The following MTHFD1L variants were observed in gnomAD, a reference collection of about 807,000 sequenced individuals.
MTHFD1L encodes the protein methylenetetrahydrofolate dehydrogenase (NADP+ dependent) 1 like, also known as monofunctional C1-tetrahydrofolate synthase, mitochondrial.
A neutral mutation model predicts 119.5 loss-of-function variants in MTHFD1L; 81 were observed. The ratio of observed to expected loss-of-function variants is 0.68; its 90% CI spans 0.57 to 0.82. MTHFD1L has a LOEUF of 0.82. MTHFD1L is among the 40% of genes least tolerant of loss of function. The pLI, the probability that MTHFD1L is intolerant of heterozygous loss-of-function variation, is 0.00. For missense variants in MTHFD1L, 1,125 were observed against 1,253.4 expected, an observed-to-expected ratio of 0.90 and a Z score of 1.55; for synonymous variants, 430 against 475.2, an observed-to-expected ratio of 0.90 and a Z score of 1.24.
chr6:150,911,767 G>A (rs1222796109), intron 8 of MTHFD1L, among the ~76,000 whole-genome samples: 3 of 152,118 alleles, frequency 2.0e-5, no homozygotes, highest in African/African-American at 4.8e-5. Context: ...AAATCATGGC[G>A]GGAGGTGAAA....
At chr6:151,002,092 A>C (rs1049718970) in intron 20 of MTHFD1L, among the ~76,000 whole-genome samples, 1 of 152,232 alleles carries the variant, frequency 6.6e-6, no homozygotes, top group Non-Finnish European at 1.5e-5. Flanking sequence ...TAAATGCTGG[A>C]GTATTATTGA....
intron 9 of MTHFD1L, among the ~76,000 whole-genome samples, chr6:150,920,779 A>G (rs77980322): frequency 0.089 from 13,490 of 151,582 alleles, 839 homozygotes; most frequent in African/African-American, 0.17. Flanking sequence ...TTATTTATTT[A>G]TTTATTTATT....
intron 26 of MTHFD1L, among the ~76,000 whole-genome samples, chr6:151,067,767 C>T (rs80269284): frequency 0.048 from 7,252 of 152,302 alleles, 217 homozygotes; most frequent in Middle Eastern, 0.099. Context: ...ATTTCCCCAC[C>T]CCAGTGACCC....
chr6:151,098,414 C>G lies in MTHFD1L; in HGVS notation c.*32-3112C>G, dbSNP rs899748780. 2.6e-5 allele frequency among the ~76,000 whole-genome samples: 4 copies of G among 152,212 alleles called. No homozygotes were observed. In the East Asian group the frequency reaches 7.7e-4, roughly 29 times the overall value. ...AAAGCAATTCAAAAATTGCTCATCACCATTGTGTTCCGAGAAAAGGGGCGC... is the reference window on the plus strand; with the variant it reads ...AAAGCAATTCAAAAATTGCTCATCAGCATTGTGTTCCGAGAAAAGGGGCGC... On this transcript the variant is annotated intron_variant, in intron 27 of 27. Coordinates refer to ENST00000367321, the MANE Select transcript of MTHFD1L (RefSeq NM_015440.5).
chr6:151,007,412 A>G (rs1781559879), intron 20 of MTHFD1L, among the ~76,000 whole-genome samples: 1 of 151,498 alleles, frequency 6.6e-6, no homozygotes, highest in Non-Finnish European at 1.5e-5. Context: ...GGAATTCAAT[A>G]TGATTTTTAG....
At chr6:150,939,164 T>A (rs1583671369) in intron 13 of MTHFD1L, 1 of 191,904 alleles carries the variant, frequency 5.2e-6, no homozygotes. Flanking sequence ...CTTGATCATC[T>A]GCTGTACTGC....
intron 20 of MTHFD1L, among the ~76,000 whole-genome samples, chr6:151,001,375 C>T (rs763173124): frequency 2.6e-5 from 4 of 152,158 alleles, no homozygotes; most frequent in Admixed American, 6.5e-5. Context: ...GAAAACTTTA[C>T]GGAAAAACTA....
intron 7 of MTHFD1L, among the ~76,000 whole-genome samples, chr6:150,905,017 C>A (rs1301397948): frequency 6.7e-6 from 1 of 149,994 alleles, no homozygotes; most frequent in African/African-American, 2.5e-5. Flanking sequence ...GACCTCATGG[C>A]CTTAGCCCTT....
At chr6:151,050,437 C>T (rs1788842522) in intron 26 of MTHFD1L, among the ~76,000 whole-genome samples, 1 of 152,224 alleles carries the variant, frequency 6.6e-6, no homozygotes, top group Admixed American at 6.5e-5. Context: ...GCTGGGATTA[C>T]AGGCGTGAGC....
chr6:150,942,088 G>A (rs964778012), intron 13 of MTHFD1L, among the ~76,000 whole-genome samples: 3 of 151,912 alleles, frequency 2.0e-5, no homozygotes, highest in Non-Finnish European at 2.9e-5. Flanking sequence ...GGGAAACCCT[G>A]TCTCTACTAA....
intron 26 of MTHFD1L, chr6:151,041,943 T>C: frequency 5.0e-6 from 2 of 402,890 alleles, no homozygotes; most frequent in South Asian, 3.9e-5. Flanking sequence ...ACTTTTACTT[T>C]CCATGTTCAC....
Position 150,945,494 on chromosome 6 carries a change from G to A in MTHFD1L, c.1576G>A (p.Val526Met). 2 of 1,613,986 alleles carry A rather than the reference G, an allele frequency of 1.2e-6. No individual in the cohort carries two copies. The highest frequency in any genetic ancestry group is 1.7e-6 in the Non-Finnish European group (2 of 1,179,978). ...KALYNRLVPL[V>M]NGVREFSEIQ... ...TCTGTATAATCGGCTGGTTCCTTTA[G>A]TGAATGGTGTCAGAGAATTTTCAGA... The change falls in exon 15 of 28, where the codon GTG becomes ATG. Residue 526 changes from valine to methionine, a missense_variant. Physicochemically the swap from Val to Met is conservative, Grantham distance 21 (BLOSUM62 1). Coordinates refer to ENST00000367321, the MANE Select transcript of MTHFD1L (RefSeq NM_015440.5).
At chr6:150,972,171 C>A in intron 20 of MTHFD1L, 113 bp downstream of exon 20, 1 of 905,774 alleles carries the variant, frequency 1.1e-6, no homozygotes, top group Non-Finnish European at 1.7e-6. Context: ...TTCAGGCACC[C>A]TCTTTCATAG....
rs71014527 is a variant in MTHFD1L at position 150,865,721 on chromosome 6, CCCGCCGCCGCCGCCG to C, written c.-90_-76del. 12 of 967,394 alleles carry C rather than the reference CCCGCCGCCGCCGCCG, an allele frequency of 1.2e-5. No individual in the cohort carries two copies. Among genetic ancestry groups the C allele is most frequent in the East Asian group, 8.3e-5 (1 of 12,098 alleles). The allele number at this position is 967,394 out of a possible 1,614,324, so 59.9% of individuals were successfully genotyped here. ...GACGAGGAGGAAGCGCCAGGTCCTTCCCGCCGCCGCCGCCGCCGCCGCCGCCTGCTCCCCTGGCAC... is the reference window on the plus strand; with the variant it reads ...GACGAGGAGGAAGCGCCAGGTCCTTCCCGCCGCCGCCTGCTCCCCTGGCAC... On this transcript the variant is annotated 5_prime_UTR_variant, in exon 1 of 28. Transcript: ENST00000367321.
intron 20 of MTHFD1L, among the ~76,000 whole-genome samples, chr6:151,001,376 G>A (rs768910198): frequency 1.2e-4 from 19 of 152,244 alleles, no homozygotes; most frequent in Non-Finnish European, 2.4e-4. Context: ...AAAACTTTAC[G>A]GAAAAACTAT....
chr6:151,023,078 G>A (rs1447919335), intron 24 of MTHFD1L, among the ~76,000 whole-genome samples: 3 of 144,430 alleles, frequency 2.1e-5, no homozygotes, highest in Admixed American at 7.1e-5. Flanking sequence ...GCAGAGTCTC[G>A]CTCTGTCACC....
At chr6:151,049,214 G>A (rs1460364102) in intron 26 of MTHFD1L, among the ~76,000 whole-genome samples, 15 of 152,172 alleles carry the variant, frequency 9.9e-5, no homozygotes, top group African/African-American at 2.7e-4. Context: ...AGATTAGGCC[G>A]GGCACAGTGG....
At chr6:151,004,624 G>T (rs751678651) in intron 20 of MTHFD1L, among the ~76,000 whole-genome samples, 23 of 152,184 alleles carry the variant, frequency 1.5e-4, no homozygotes, top group Admixed American at 9.8e-4. Context: ...TGAACCCAGA[G>T]CTCTGTTTCC....
At chr6:150,938,649 GC>G in intron 12 of MTHFD1L, 49 bp from the exon 13 acceptor site, 1 of 1,583,414 alleles carries the variant, frequency 6.3e-7, no homozygotes, top group Non-Finnish European at 8.6e-7. Flanking sequence ...GTCCATCGTG[GC>G]AGCTGTACTT....
Sources: gnomAD v4.1 joint callset for allele counts (sites outside exome capture counted in the v4.1 genomes callset) on GRCh38, gnomAD v4.1.1 for gene constraint, MANE v1.5 for transcripts, NCBI Gene and HGNC (gene_info 2026-07-23, HGNC 2026-07-21) for gene names.